RMC1: variants seen among roughly 807,000 people sequenced by gnomAD.
RMC1 encodes regulator of MON1-CCZ1.
RMC1 carries 44 observed loss-of-function variants against 95.5 expected under a neutral mutation model. That is an observed-to-expected ratio of 0.46 (90% CI 0.36 to 0.59). The LOEUF (loss-of-function observed/expected upper bound fraction) is 0.59. RMC1 is among the 20% of genes least tolerant of loss of function. The pLI, the probability that RMC1 is intolerant of heterozygous loss-of-function variation, is 0.00. For synonymous variants in RMC1, 320 were observed against 303.6 expected, an observed-to-expected ratio of 1.05 and a Z score of -0.56; for missense variants, 705 against 819.6, an observed-to-expected ratio of 0.86 and a Z score of 1.71.
intron 19 of RMC1, among the ~76,000 whole-genome samples, chr18:23,531,111 C>T (rs1046414472): frequency 1.3e-5 from 2 of 152,084 alleles, no homozygotes; most frequent in African/African-American, 4.8e-5. Context: ...CTGCCTCAGC[C>T]TCCTGAGTAG....
In RMC1 at chr18:23,520,255, C is replaced by T. The variant is rs775269615; in HGVS notation, c.903C>T (p.Thr301=). The T allele has an allele frequency of 1.9e-6, 3 of 1,614,024 alleles. No homozygotes were observed. The African/African-American group carries it at 4.0e-5, about 22-fold the overall frequency. The part of the protein sequence containing the change: ...KLRGEFDGSV[T]FHHPVLPARS... ...GGGGAGAGTTTGACGGCTCCGTTAC[C>T]TTCCACCACCCCGTGCTTCCCGCTC... is the stretch of plus-strand genomic sequence containing the variant. Residue 301 remains threonine, a synonymous_variant, in exon 10 of 20, where the codon ACC becomes ACT. Transcript: ENST00000269221.
intron 15 of RMC1, 47 bp downstream of exon 15, chr18:23,529,345 A>G: frequency 6.4e-7 from 1 of 1,574,504 alleles, no homozygotes; most frequent in Non-Finnish European, 8.6e-7. Context: ...TGCTCAAAAC[A>G]AGGAAGTTGC....
chr18:23,511,579 C>T (rs1385923787), intron 5 of RMC1, among the ~76,000 whole-genome samples: 1 of 151,856 alleles, frequency 6.6e-6, no homozygotes, highest in Non-Finnish European at 1.5e-5. Context: ...GTGCATATTC[C>T]TCTATTTTTA....
chr18:23,531,073 C>T (rs2058487662), intron 19 of RMC1, among the ~76,000 whole-genome samples: 1 of 152,076 alleles, frequency 6.6e-6, no homozygotes, highest in Non-Finnish European at 1.5e-5. Flanking sequence ...CGGTTCACTG[C>T]AACCTCCGCT....
At position 23,529,124 on chromosome 18, in the gene RMC1, C is replaced by T. The variant is rs182433603; in HGVS notation, c.1297-55C>T. 41 of 1,584,182 alleles carry T rather than the reference C, an allele frequency of 2.6e-5. No homozygotes were observed. The East Asian group carries it at 7.8e-4, about 30-fold the overall frequency. ...TCAGTCCTTGTGGATGAACTGTAAA[C>T]AGCACCCTTCCTCTAAGATGCCGAA... On this transcript the variant is annotated intron_variant, in intron 14 of 19. Transcript: ENST00000269221.
At chr18:23,529,791 C>A in intron 16 of RMC1, 79 bp downstream of exon 16, 1 of 1,372,184 alleles carries the variant, frequency 7.3e-7, no homozygotes, top group Non-Finnish European at 1.0e-6. Flanking sequence ...TAGAAGATGA[C>A]TCATATGCTA....
intron 1 of RMC1, 62 bp from the exon 2 acceptor site, chr18:23,504,308 TG>T: frequency 1.4e-6 from 2 of 1,397,616 alleles, no homozygotes; most frequent in Non-Finnish European, 2.0e-6. Flanking sequence ...GCTTGCGGGT[TG>T]GCTTCTGAGT....
intron 5 of RMC1, among the ~76,000 whole-genome samples, chr18:23,515,539 T>C (rs535670829): frequency 6.6e-6 from 1 of 152,334 alleles, no homozygotes; most frequent in Admixed American, 6.5e-5. Context: ...TTGATTTATT[T>C]ATTAATTGAG....
chr18:23,526,649 A>C lies in RMC1; in HGVS notation c.1073A>C (p.Asn358Thr). 1.9e-6 allele frequency: 3 copies of C among 1,614,080 alleles called. No homozygotes were observed. The highest frequency in any genetic ancestry group is 2.5e-6 in the Non-Finnish European group (3 of 1,179,990). The change falls in exon 13 of 20, where the codon AAC becomes ACC. Residue 358 changes from asparagine (N) to threonine (T), a missense_variant. Physicochemically the swap from Asn to Thr is moderately conservative, Grantham distance 65 (BLOSUM62 0). Transcript: ENST00000269221. The stretch of plus-strand genomic sequence containing the variant: ...TCTTAAAATCCAGGTTACCTCTGGA[A>C]CCTCCAAGTGAAACTTGAGCCCATA... ...IISASQGYLW[N>T]LQVKLEPIVN...
intron 18 of RMC1, 25 bp from the exon 19 acceptor site, chr18:23,530,362 C>A (rs1485902689): frequency 6.2e-7 from 1 of 1,613,876 alleles, no homozygotes; most frequent in African/African-American, 1.3e-5. Context: ...TTGCACTGAC[C>A]TGGACTTCTC....
rs1598915023 is a variant in RMC1, at chr18:23,529,217, C to G, written c.1335C>G (p.Leu445=). 1 of 1,614,088 alleles carries G rather than the reference C, an allele frequency of 6.2e-7. No individual in the cohort carries two copies. The highest frequency in any genetic ancestry group is 1.1e-5 in the South Asian group (1 of 91,080). The part of the protein sequence containing the change: ...EAGQSRSSPL[L]KRPVRTQAVL... ...GGCAGAGCCGAAGCAGCCCGCTCCT[C>G]AAGAGGCCGGTGCGGACCCAGGCGG... The change falls in exon 15 of 20, where the codon CTC becomes CTG. Residue 445 remains leucine, a synonymous_variant. Coordinates refer to ENST00000269221, the MANE Select transcript of RMC1 (RefSeq NM_013326.5).
At chr18:23,529,473 TAATTG>T in intron 15 of RMC1, 157 bp from the exon 16 acceptor site, 1 of 1,259,540 alleles carries the variant, frequency 7.9e-7, no homozygotes. Flanking sequence ...GCCTAAAGCA[TAATTG>T]TTGACGGGTG....
intron 16 of RMC1, 71 bp downstream of exon 16, chr18:23,529,783 GA>G: frequency 6.9e-7 from 1 of 1,441,478 alleles, no homozygotes; most frequent in Admixed American, 1.7e-5. Flanking sequence ...CACTGTCTTA[GA>G]AGATGACTCA....
intron 4 of RMC1, chr18:23,508,610 AG>A (rs2145138520): frequency 6.6e-6 from 1 of 152,570 alleles, no homozygotes; most frequent in African/African-American, 2.4e-5. Flanking sequence ...TGGTTGGGGT[AG>A]GGCTTTCTGC....
Position 23,516,355 on chromosome 18 carries a change from T to G in RMC1, c.585T>G (p.Ile195Met), listed in dbSNP as rs1297436166. Residue 195 changes from isoleucine (I) to methionine (M), a missense_variant, in exon 7 of 20, where the codon ATT becomes ATG. By Grantham distance (10) the Ile-to-Met change is conservative. Coordinates refer to ENST00000269221, the MANE Select transcript of RMC1 (RefSeq NM_013326.5). ...GTMSKLPKFE[I>M]ELPAAPKSTK... ...TGTCGAAGCTGCCCAAATTTGAGAT[T>G]GAATTACCAGCTGCGCCTAAGTCAA... 1 of 1,614,248 alleles carries G rather than the reference T, an allele frequency of 6.2e-7. No individual in the cohort carries two copies. Among genetic ancestry groups the G allele is most frequent in the African/African-American group, 1.3e-5 (1 of 75,056 alleles).
chr18:23,526,519 A>C, intron 12 of RMC1, 118 bp from the exon 13 acceptor site: 1 of 1,215,836 alleles, frequency 8.2e-7, no homozygotes, highest in Non-Finnish European at 1.1e-6. Context: ...CACTGACTGT[A>C]CTTTGCGGCT....
intron 12 of RMC1, among the ~76,000 whole-genome samples, chr18:23,525,484 G>A (rs1486330663): frequency 6.6e-6 from 1 of 151,902 alleles, no homozygotes; most frequent in Non-Finnish European, 1.5e-5. Flanking sequence ...GAGTGCAGTG[G>A]TGCCATCTCG....
chr18:23,531,395 T>C (rs999563475), intron 19 of RMC1: 3 of 763,356 alleles, frequency 3.9e-6, no homozygotes, highest in Non-Finnish European at 5.7e-6. Flanking sequence ...TATTTCTAGC[T>C]CAATGTAAGA....
rs549598392 is a variant in RMC1, at chr18:23,530,309, G to T, written c.1668+12G>T. On this transcript the variant is annotated intron_variant, in intron 18 of 19. Transcript: ENST00000269221. ...TGGACATGCTGAAGGTAACTCTGATGTGTGAGGTTTTAGACTATGGAAACT... is the reference window on the plus strand; with the variant it reads ...TGGACATGCTGAAGGTAACTCTGATTTGTGAGGTTTTAGACTATGGAAACT... 29 of 1,614,204 alleles carry T rather than the reference G, an allele frequency of 1.8e-5. No individual in the cohort carries two copies. In the East Asian group the frequency reaches 6.5e-4, roughly 36 times the overall value.
Sources: gnomAD v4.1 joint callset for allele counts (sites outside exome capture counted in the v4.1 genomes callset) on GRCh38, gnomAD v4.1.1 for gene constraint, MANE v1.5 for transcripts, NCBI Gene and HGNC (gene_info 2026-07-23, HGNC 2026-07-21) for gene names.